KIF7: variants seen among roughly 807,000 people sequenced by gnomAD.
The protein encoded by KIF7 is kinesin-like protein KIF7.
KIF7 carries 104 observed loss-of-function variants against 135.7 expected under a neutral mutation model. The observed-to-expected ratio is 0.77, with a 90% CI of 0.65 to 0.90. The LOEUF is 0.90. KIF7 is among the 40% of genes least tolerant of loss of function. The pLI is 0.00. For missense variants in KIF7, 2,005 were observed against 1,839.1 expected, an observed-to-expected ratio of 1.09 and a Z score of -1.65; for synonymous variants, 883 against 809.4, an observed-to-expected ratio of 1.09 and a Z score of -1.54.
intron 2 of KIF7, among the ~76,000 whole-genome samples, chr15:89,651,394 G>A (rs182811524): frequency 2.1e-4 from 32 of 152,170 alleles, no homozygotes; most frequent in Non-Finnish European, 3.8e-4. Context: ...CACCACGCCC[G>A]GCTCAGTTTT....
chr15:89,623,758 C>T, downstream of KIF7: 1 of 1,614,080 alleles, frequency 6.2e-7, no homozygotes, highest in Non-Finnish European at 8.5e-7. Context: ...CCCTACAAAG[C>T]AGGCAGCTTT....
Position 89,628,929 on chromosome 15 carries a change from C to T in KIF7, c.3664+47G>A, listed in dbSNP as rs753845459. The stretch of plus-strand genomic sequence containing the variant: ...AGGGAGAGTGGTCTCTAAGCTTTCC[C>T]CAAAGAAAGGGAACAGGTCTGACTT... On this transcript the variant is annotated intron_variant, in intron 18 of 18. Transcript: ENST00000394412. 1 of 1,613,712 alleles carries T rather than the reference C, an allele frequency of 6.2e-7. No homozygotes were observed. Among genetic ancestry groups the T allele is most frequent in the Non-Finnish European group, 8.5e-7 (1 of 1,179,914 alleles).
At chr15:89,635,251 ACT>A (rs1316926588) in intron 11 of KIF7, among the ~76,000 whole-genome samples, 2 of 152,166 alleles carry the variant, frequency 1.3e-5, no homozygotes, top group African/African-American at 4.8e-5. Context: ...AAAAATGGAA[ACT>A]CTAAAAAGCG....
At chr15:89,652,983 T>G (rs1183995446) in intron 1 of KIF7, 29 bp from the exon 2 acceptor site, 1 of 1,433,270 alleles carries the variant, frequency 7.0e-7, no homozygotes, top group African/African-American at 1.4e-5. Context: ...GCCCTGGCCA[T>G]CAGCACTTGT....
upstream of KIF7, chr15:89,655,575 G>C (rs977895927): frequency 6.6e-6 from 1 of 152,044 alleles, no homozygotes; most frequent in African/African-American, 2.4e-5. Flanking sequence ...TCGCGGAGTC[G>C]GCCCGCAGAC....
rs758762297 is a variant in KIF7, at chr15:89,631,566, T to C, written c.3040A>G (p.Lys1014Glu). ...RGEIDSLRQEKDSLLKQRLEI... is the reference protein window; with the variant it reads ...RGEIDSLRQEEDSLLKQRLEI... ...AGGCGCTGCTTGAGCAGCGAGTCCT[T>C]CTCCTGGCGCAGGCTGTCGATCTCC... The change falls in exon 15 of 19, where the codon AAG (lysine) becomes GAG (glutamate). Residue 1014 changes from lysine (K) to glutamate (E), a missense_variant. Lys to Glu is a moderately conservative substitution (Grantham distance 56, BLOSUM62 1). Transcript: ENST00000394412. 1 of 1,572,828 alleles carries C rather than the reference T, an allele frequency of 6.4e-7. No individual in the cohort carries two copies. The highest frequency in any genetic ancestry group is 1.4e-5 in the African/African-American group (1 of 73,908).
chr15:89,623,961 TTCCAGTCCAGAAAGCCCC>T, downstream of KIF7: 1 of 1,613,984 alleles, frequency 6.2e-7, no homozygotes, highest in Non-Finnish European at 8.5e-7. Context: ...ATTCAGTGAA[TTCCAGTCCAGAAAGCCCC>T]TCCTGTCCAG....
In KIF7 at chr15:89,644,962, C is replaced by A. The variant is rs377474682; in HGVS notation, c.2191+51G>T. ...TCCCTCTAGAACAGTGCAGAAGTAACGATGAGAAGTCCCCCTCGGGTGAGA... is the reference window on the plus strand; with the variant it reads ...TCCCTCTAGAACAGTGCAGAAGTAAAGATGAGAAGTCCCCCTCGGGTGAGA... On this transcript the variant is annotated intron_variant, in intron 10 of 18. Coordinates refer to ENST00000394412, the MANE Select transcript of KIF7 (RefSeq NM_198525.3). 684 of 1,600,678 alleles carry A rather than the reference C, an allele frequency of 4.3e-4. 1 individual carries two copies. The highest frequency in any genetic ancestry group is 5.7e-4 in the Non-Finnish European group (669 of 1,178,382).
chr15:89,618,101 G>T, exon 2 of KIF7: 3 of 1,562,540 alleles, frequency 1.9e-6, no homozygotes, highest in Non-Finnish European at 2.6e-6. Flanking sequence ...TCCTTAATAA[G>T]TGTTAATTAC....
intron 6 of KIF7, 92 bp from the exon 7 acceptor site, chr15:89,647,149 C>T: frequency 9.2e-7 from 1 of 1,092,440 alleles, no homozygotes. Flanking sequence ...GCCACTCCAC[C>T]GTCTCTGGGC....
At chr15:89,644,693 A>C (rs1311319420) in intron 10 of KIF7, among the ~76,000 whole-genome samples, 1 of 150,532 alleles carries the variant, frequency 6.6e-6, no homozygotes, top group Non-Finnish European at 1.5e-5. Context: ...CAAAAAAAGA[A>C]AAAGAAGAAA....
In KIF7 at chr15:89,645,327, C is replaced by G; in HGVS notation, c.2038+9G>C. On this transcript the variant is annotated intron_variant, in intron 9 of 18. Coordinates refer to ENST00000394412, the MANE Select transcript of KIF7 (RefSeq NM_198525.3). The stretch of plus-strand genomic sequence containing the variant: ...GGAGGAGGCCCTCTCTGCATCCCAC[C>G]CAGCTTACCTCTGGACCCTGGAATG... 3.1e-6 allele frequency: 5 copies of G among 1,613,484 alleles called. No homozygotes were observed. Among genetic ancestry groups the G allele is most frequent in the Non-Finnish European group, 1.7e-6 (2 of 1,179,474 alleles).
chr15:89,635,407 G>C (rs1328903057), intron 11 of KIF7, among the ~76,000 whole-genome samples: 3 of 152,112 alleles, frequency 2.0e-5, no homozygotes, highest in Non-Finnish European at 4.4e-5. Context: ...CAAACCAAAG[G>C]CAAAGAAGTT....
chr15:89,625,889 G>T (rs199510924), downstream of KIF7: 158 of 1,543,698 alleles, frequency 1.0e-4, no homozygotes, highest in Middle Eastern at 3.8e-4. Context: ...TGGGCTTCCC[G>T]GTTGGGGGTC....
downstream of KIF7, chr15:89,624,616 G>A: frequency 6.2e-7 from 1 of 1,613,970 alleles, no homozygotes; most frequent in East Asian, 2.2e-5. Context: ...GTCTCCTCCT[G>A]AAAGACGGGG....
At chr15:89,647,476 T>C in intron 6 of KIF7, 120 bp downstream of exon 6, 3 of 874,042 alleles carry the variant, frequency 3.4e-6, no homozygotes. Context: ...ACCTCCTGAC[T>C]CTACACCCCT....
chr15:89,642,498 A>G, intron 10 of KIF7, 93 bp from the exon 11 acceptor site: 1 of 1,090,584 alleles, frequency 9.2e-7, no homozygotes, highest in Non-Finnish European at 1.3e-6. Context: ...GCCCTTGGAC[A>G]CCTGTGTGGG....
chr15:89,618,337 T>C (rs1035671728), intron 1 of KIF7: 11 of 807,442 alleles, frequency 1.4e-5, no homozygotes, highest in Middle Eastern at 2.3e-4. Flanking sequence ...GAGTCCACAA[T>C]GCAGCTCAGT....
In KIF7 at chr15:89,632,856, C is replaced by T. The variant is rs750332974; in HGVS notation, c.2859G>A (p.Lys953=). 1.9e-6 allele frequency: 3 copies of T among 1,609,412 alleles called. No homozygotes were observed. Among genetic ancestry groups the T allele is most frequent in the African/African-American group, 1.3e-5 (1 of 75,056 alleles). ...TCAGGCGCTTGCTCTCCAGCCCCGT[C>T]TTCTCCTGCATCAGGGCCTCCTTCT... The part of the protein sequence containing the change: ...LAKKEALMQE[K]TGLESKRLRS... The change falls in exon 14 of 19, where the codon AAG becomes AAA. Residue 953 remains lysine (K), a synonymous_variant. Transcript: ENST00000394412.
Sources: gnomAD v4.1 joint callset for allele counts (sites outside exome capture counted in the v4.1 genomes callset) on GRCh38, gnomAD v4.1.1 for gene constraint, MANE v1.5 for transcripts, NCBI Gene and HGNC (gene_info 2026-07-23, HGNC 2026-07-21) for gene names.